The following PTN variants were observed in gnomAD, a reference collection of about 807,000 sequenced individuals.
PTN encodes the protein pleiotrophin.
In PTN, 18 loss-of-function variants were observed where a neutral mutation model predicts 24.1. That is an observed-to-expected ratio of 0.75 (90% CI 0.52 to 1.11). The LOEUF (loss-of-function observed/expected upper bound fraction) is 1.11. Among genes scored for constraint, PTN ranks in the 50% least tolerant of loss-of-function variants. The probability of loss-of-function intolerance (pLI) is 0.00; values close to 1 mark genes in which losing one functional copy is unlikely to be tolerated. For missense variants in PTN, 163 were observed against 198.8 expected (o/e 0.82, Z 1.08); for synonymous variants, 78 against 68.6 (o/e 1.14, Z -0.67).
At chr7:137,259,258 A>C (rs1808990109) in intron 1 of PTN, among the ~76,000 whole-genome samples, 1 of 152,022 alleles carries the variant, frequency 6.6e-6, no homozygotes, top group Non-Finnish European at 1.5e-5. Flanking sequence ...TTTTAAGGAG[A>C]TCTAGAATTT....
At chr7:137,275,738 G>C (rs1278518150) in intron 1 of PTN, among the ~76,000 whole-genome samples, 1 of 151,976 alleles carries the variant, frequency 6.6e-6, no homozygotes, top group Non-Finnish European at 1.5e-5. Context: ...GCCCCATGTT[G>C]ACTAAAAACA....
At chr7:137,310,981 C>T (rs188445588) in intron 1 of PTN, among the ~76,000 whole-genome samples, 16 of 152,202 alleles carry the variant, frequency 1.1e-4, no homozygotes, top group African/African-American at 1.7e-4. Context: ...CCTGTAATCC[C>T]AGCACCTTGG....
chr7:137,233,577 T>C (rs1003689235), intron 4 of PTN, among the ~76,000 whole-genome samples: 3 of 145,420 alleles, frequency 2.1e-5, no homozygotes, highest in Admixed American at 6.9e-5. Flanking sequence ...TATGGGAGAG[T>C]CTTTCAAAAT....
At chr7:137,298,730 C>T (rs1809758802) in intron 1 of PTN, among the ~76,000 whole-genome samples, 1 of 151,968 alleles carries the variant, frequency 6.6e-6, no homozygotes, top group Non-Finnish European at 1.5e-5. Context: ...TTGCTCTTGG[C>T]ATCACCTCTC....
intron 1 of PTN, among the ~76,000 whole-genome samples, chr7:137,333,839 CAG>C (rs1354513291): frequency 6.6e-6 from 1 of 152,130 alleles, no homozygotes; most frequent in Non-Finnish European, 1.5e-5. Context: ...GGTACCAAAA[CAG>C]AGATATAGAT....
chr7:137,328,993 G>A (rs1434026375), intron 1 of PTN, among the ~76,000 whole-genome samples: 1 of 152,162 alleles, frequency 6.6e-6, no homozygotes, highest in African/African-American at 2.4e-5. Flanking sequence ...AATGGAGGTA[G>A]AAGAGTATGA....
intron 1 of PTN, chr7:137,318,897 T>C (rs1284975539): frequency 6.6e-6 from 1 of 152,196 alleles, no homozygotes; most frequent in Non-Finnish European, 1.5e-5. Flanking sequence ...ATAAGTAGAA[T>C]AAACTCTCCC....
intron 4 of PTN, among the ~76,000 whole-genome samples, chr7:137,238,336 C>A (rs1432352482): frequency 6.6e-6 from 1 of 152,130 alleles, no homozygotes; most frequent in Non-Finnish European, 1.5e-5. Flanking sequence ...TCTGGGTTAA[C>A]AAGTCACCTT....
At chr7:137,241,797 T>C (rs974100038) in intron 4 of PTN, among the ~76,000 whole-genome samples, 3 of 152,202 alleles carry the variant, frequency 2.0e-5, no homozygotes. Context: ...AGTGTTTTCC[T>C]CTGATCAAGA....
chr7:137,303,663 T>C (rs183938370), intron 1 of PTN, among the ~76,000 whole-genome samples: 1 of 152,116 alleles, frequency 6.6e-6, no homozygotes, highest in Admixed American at 6.6e-5. Context: ...AATTTGATTC[T>C]TATGTTAATC....
chr7:137,239,672 T>C, intron 4 of PTN, among the ~76,000 whole-genome samples: 1 of 152,150 alleles, frequency 6.6e-6, no homozygotes, highest in Non-Finnish European at 1.5e-5. Flanking sequence ...GTTCTTGCGA[T>C]AGTTTACTGA....
At chr7:137,288,393 C>T (rs6979268) in intron 1 of PTN, among the ~76,000 whole-genome samples, 1 of 152,142 alleles carries the variant, frequency 6.6e-6, no homozygotes, top group Non-Finnish European at 1.5e-5. Flanking sequence ...AATTTTGTCC[C>T]TCAGTTCTCA....
At chr7:137,285,259 T>A (rs1809534666) in intron 1 of PTN, among the ~76,000 whole-genome samples, 1 of 152,182 alleles carries the variant, frequency 6.6e-6, no homozygotes, top group Non-Finnish European at 1.5e-5. Context: ...GGATACAGAA[T>A]TAACCCTGAT....
chr7:137,270,688 C>A (rs1398340990), intron 1 of PTN, among the ~76,000 whole-genome samples: 1 of 152,128 alleles, frequency 6.6e-6, no homozygotes, highest in Non-Finnish European at 1.5e-5. Context: ...GACAAGATTC[C>A]TGACCACACA....
At chr7:137,320,791 C>T (rs137930635) in intron 1 of PTN, among the ~76,000 whole-genome samples, 9 of 152,208 alleles carry the variant, frequency 5.9e-5, no homozygotes, top group African/African-American at 2.2e-4. Flanking sequence ...CAGCAGTTGC[C>T]TTATGGAAAC....
chr7:137,264,393 C>T (rs1403190632), intron 1 of PTN, among the ~76,000 whole-genome samples: 1 of 152,126 alleles, frequency 6.6e-6, no homozygotes, highest in African/African-American at 2.4e-5. Flanking sequence ...TGTGCAAGTC[C>T]AAATTTTAAG....
chr7:137,274,602 GAATAGGAA>G (rs1402118760), intron 1 of PTN, among the ~76,000 whole-genome samples: 3 of 151,910 alleles, frequency 2.0e-5, no homozygotes, highest in African/African-American at 7.2e-5. Context: ...TTAAAAGATA[GAATAGGAA>G]AAATGCCTCA....
chr7:137,284,125 T>G (rs1055875315), intron 1 of PTN, among the ~76,000 whole-genome samples: 3 of 151,324 alleles, frequency 2.0e-5, no homozygotes, highest in Non-Finnish European at 2.9e-5. Context: ...CCGCCACCAC[T>G]CCCGGCTAAT....
At chr7:137,270,043 T>G (rs1218963025) in intron 1 of PTN, among the ~76,000 whole-genome samples, 1 of 152,186 alleles carries the variant, frequency 6.6e-6, no homozygotes, top group African/African-American at 2.4e-5. Context: ...TCACCTACCC[T>G]ATGCCAGCCA....
Sources: allele counts gnomAD v4.1 joint callset (sites outside exome capture counted in the v4.1 genomes callset), GRCh38; gene constraint gnomAD v4.1.1; transcripts MANE v1.5; gene names NCBI Gene and HGNC (gene_info 2026-07-23, HGNC 2026-07-21).